ANO2: variants seen among roughly 807,000 people sequenced by gnomAD.
ANO2 encodes the protein anoctamin 2, also known as anoctamin-2.
In ANO2, 101 loss-of-function variants were observed where a neutral mutation model predicts 124.2. The ratio of observed to expected loss-of-function variants is 0.81; its 90% CI spans 0.69 to 0.96. ANO2 has a LOEUF of 0.96. Among genes scored for constraint, ANO2 ranks in the 40% least tolerant of loss-of-function variants. The probability of loss-of-function intolerance (pLI) is 0.00; values close to 1 mark genes in which losing one functional copy is unlikely to be tolerated. For missense variants in ANO2, 1,293 were observed against 1,274.5 expected, an observed-to-expected ratio of 1.01 and a Z score of -0.22; for synonymous variants, 486 against 482.5, an observed-to-expected ratio of 1.01 and a Z score of -0.09.
intron 4 of ANO2, among the ~76,000 whole-genome samples, chr12:5,849,453 G>C (rs967579134): frequency 6.6e-6 from 1 of 152,228 alleles, no homozygotes; most frequent in Non-Finnish European, 1.5e-5. Flanking sequence ...ATGAGCAGAC[G>C]TAAGAAAGCA....
At chr12:5,828,025 C>T (rs1443470653) in intron 6 of ANO2, among the ~76,000 whole-genome samples, 1 of 152,190 alleles carries the variant, frequency 6.6e-6, no homozygotes, top group African/African-American at 2.4e-5. Flanking sequence ...ATGTAAGGCC[C>T]GCGCACACAT....
At chr12:5,603,914 C>T (rs1049251109) in intron 19 of ANO2, among the ~76,000 whole-genome samples, 6 of 134,496 alleles carry the variant, frequency 4.5e-5, no homozygotes, top group East Asian at 4.4e-4. Flanking sequence ...CACTGCAGTC[C>T]GTCCTGGGTG....
rs1016109135 is a variant in ANO2 at position 5,900,766 on chromosome 12, G to A, written c.534+20274C>T. 6.6e-6 allele frequency among the ~76,000 whole-genome samples: 1 copy of A among 152,178 alleles called. No individual in the cohort carries two copies. Among genetic ancestry groups the A allele is most frequent in the Admixed American group, 6.5e-5 (1 of 15,282 alleles). On this transcript the variant is annotated intron_variant, in intron 3 of 24. Coordinates refer to ENST00000682330, the MANE Select transcript of ANO2 (RefSeq NM_001364791.2). This position sits in a 1 kb window ranked among gnomAD's most constrained non-coding sequence, Gnocchi z 4.2. ...TTCCCAACCTCCCCTCTGGTGCTCA[G>A]TCACTTCATCTGCTGAGTATTTAAT...
At chr12:5,687,738 C>A (rs1948764662) in intron 14 of ANO2, among the ~76,000 whole-genome samples, 1 of 152,216 alleles carries the variant, frequency 6.6e-6, no homozygotes, top group South Asian at 2.1e-4. Flanking sequence ...TGATCTCATT[C>A]ATCCTCTCAT....
At chr12:5,622,584 C>T (rs1234624734) in intron 16 of ANO2, among the ~76,000 whole-genome samples, 3 of 152,152 alleles carry the variant, frequency 2.0e-5, no homozygotes, top group African/African-American at 2.4e-5. Flanking sequence ...AGGAGGGATG[C>T]CACAGCCTGG....
rs889576739 is a variant in ANO2 at position 5,648,555 on chromosome 12, C to T, written c.1546-754G>A. Among the ~76,000 whole-genome samples, 12 of 152,270 alleles carry T rather than the reference C, an allele frequency of 7.9e-5. No homozygotes were observed. In the South Asian group the frequency reaches 2.3e-3, roughly 29 times the overall value. On this transcript the variant is annotated intron_variant, in intron 14 of 24. Transcript: ENST00000682330. ...TCCTCCTTCAGCGTGCTCTGAGGAC[C>T]GTCATTTGGTGGGGGACAGGGGAGG...
At chr12:5,888,019 G>T (rs971466582) in intron 3 of ANO2, among the ~76,000 whole-genome samples, 1 of 152,150 alleles carries the variant, frequency 6.6e-6, no homozygotes, top group African/African-American at 2.4e-5. Context: ...GTGGGTTCTT[G>T]GTCTCACTGA....
intron 3 of ANO2, among the ~76,000 whole-genome samples, chr12:5,872,623 G>A (rs1287459786): frequency 2.6e-5 from 4 of 152,084 alleles, no homozygotes; most frequent in Admixed American, 1.3e-4. Flanking sequence ...TAATAGTATC[G>A]AAAATTACAT....
intron 3 of ANO2, among the ~76,000 whole-genome samples, chr12:5,863,293 G>A (rs1257819178): frequency 6.6e-6 from 1 of 152,184 alleles, no homozygotes; most frequent in Non-Finnish European, 1.5e-5. Flanking sequence ...AACCTATGGG[G>A]AGTCAGCAAC....
intron 14 of ANO2, among the ~76,000 whole-genome samples, chr12:5,668,057 G>A (rs528365620): frequency 9.2e-4 from 140 of 152,200 alleles, no homozygotes; most frequent in African/African-American, 3.1e-3. Context: ...ATATTCCTTC[G>A]GGTATATACT....
rs1565414436 is a variant in ANO2, at chr12:5,563,583, GGA to G, written c.2728-17_2728-16del. The G allele has an allele frequency of 6.2e-7, 1 of 1,612,858 alleles. No homozygotes were observed. Among genetic ancestry groups the G allele is most frequent in the African/African-American group, 1.3e-5 (1 of 75,032 alleles). On this transcript the variant is annotated splice_polypyrimidine_tract_variant and intron_variant, in intron 24 of 24. Transcript: ENST00000682330. Reference sequence around the variant, plus strand: ...ATCACGAGGTTCTGCAAAAAGCCAAGGAGAGAGGGGCTGAGTTGGAGAGGCCC... The same window carrying G: ...ATCACGAGGTTCTGCAAAAAGCCAAGGAGAGGGGCTGAGTTGGAGAGGCCC...
At chr12:5,572,053 C>T (rs962912612) in intron 23 of ANO2, among the ~76,000 whole-genome samples, 7 of 152,194 alleles carry the variant, frequency 4.6e-5, no homozygotes, top group African/African-American at 1.4e-4. Context: ...ACCCAATAGT[C>T]TTCACACTGT....
intron 3 of ANO2, among the ~76,000 whole-genome samples, chr12:5,889,621 T>C (rs1219427034): frequency 6.6e-6 from 1 of 152,240 alleles, no homozygotes; most frequent in Non-Finnish European, 1.5e-5. Flanking sequence ...GCCAGTCTCT[T>C]GGAGCCAGGA....
intron 20 of ANO2, among the ~76,000 whole-genome samples, chr12:5,581,689 C>G (rs542199371): frequency 5.3e-5 from 8 of 152,182 alleles, no homozygotes; most frequent in Admixed American, 5.2e-4. Context: ...AATGTCCCTC[C>G]TCCTTCCCCT....
intron 3 of ANO2, 86 bp downstream of exon 3, chr12:5,920,954 C>T (rs555458488): frequency 1.4e-6 from 2 of 1,388,444 alleles, no homozygotes; most frequent in Non-Finnish European, 2.0e-6. Flanking sequence ...AAAGCCTAGG[C>T]TCTCTGTCAG....
intron 9 of ANO2, 122 bp downstream of exon 9, chr12:5,805,930 G>A: frequency 1.0e-6 from 1 of 969,678 alleles, no homozygotes; most frequent in Non-Finnish European, 1.5e-6. Context: ...GGGGGAGCTG[G>A]TAAAATTGTT....
At chr12:5,871,042 G>A (rs563143240) in intron 3 of ANO2, among the ~76,000 whole-genome samples, 1 of 152,308 alleles carries the variant, frequency 6.6e-6, no homozygotes, top group South Asian at 2.1e-4. Flanking sequence ...AGCAACTTGA[G>A]GAAGGGAGGC....
intron 3 of ANO2, among the ~76,000 whole-genome samples, chr12:5,878,404 C>T (rs1018301067): frequency 2.6e-5 from 4 of 152,222 alleles, no homozygotes; most frequent in African/African-American, 9.6e-5. Flanking sequence ...ACGCTGCCCC[C>T]TTGGGCGGGC....
chr12:5,754,556 T>G (rs1433490669), intron 10 of ANO2, among the ~76,000 whole-genome samples: 1 of 152,210 alleles, frequency 6.6e-6, no homozygotes, highest in Non-Finnish European at 1.5e-5. Context: ...GGCTTTTCTT[T>G]GCTGAGAGTT....
Sources: gnomAD v4.1 joint callset for allele counts (sites outside exome capture counted in the v4.1 genomes callset) on GRCh38, gnomAD v4.1.1 for gene constraint, Gnocchi (gnomAD v3.1) non-coding constraint, MANE v1.5 for transcripts, NCBI Gene and HGNC (gene_info 2026-07-23, HGNC 2026-07-21) for gene names.